SLC24A2: variants seen among roughly 807,000 people sequenced by gnomAD.
The protein encoded by SLC24A2 is solute carrier family 24 member 2, also known as sodium/potassium/calcium exchanger 2.
Under a neutral mutation model 62.0 loss-of-function variants are expected in SLC24A2, and 36 were observed. The ratio of observed to expected loss-of-function variants is 0.58; its 90% CI spans 0.44 to 0.77. The LOEUF is 0.77. SLC24A2 is among the 30% of genes least tolerant of loss of function. The probability of loss-of-function intolerance (pLI) is 0.00; values close to 1 mark genes in which losing one functional copy is unlikely to be tolerated. For missense variants in SLC24A2, 846 were observed against 817.9 expected, an observed-to-expected ratio of 1.03 and a Z score of -0.42; for synonymous variants, 358 against 294.0, an observed-to-expected ratio of 1.22 and a Z score of -2.23.
At chr9:20,069,182 A>G in the SLC24A2 span, among the ~76,000 whole-genome samples, 1 of 152,220 alleles carries the variant, frequency 6.6e-6, no homozygotes, top group Non-Finnish European at 1.5e-5. Context: ...CATTAAAATT[A>G]TGTAAATTCA....
At chr9:19,636,935 A>G (rs1587074331) in intron 2 of SLC24A2, among the ~76,000 whole-genome samples, 1 of 152,156 alleles carries the variant, frequency 6.6e-6, no homozygotes, top group East Asian at 1.9e-4. Context: ...CTTTCAAAAT[A>G]CCCTTTGGAA....
chr9:19,853,234 T>C, the SLC24A2 span, among the ~76,000 whole-genome samples: 1 of 152,204 alleles, frequency 6.6e-6, no homozygotes, highest in Non-Finnish European at 1.5e-5. Context: ...TTTCTAGATG[T>C]AGGTCATGTC....
At chr9:20,302,364 C>T in the SLC24A2 span, among the ~76,000 whole-genome samples, 1 of 152,226 alleles carries the variant, frequency 6.6e-6, no homozygotes, top group East Asian at 1.9e-4. Flanking sequence ...TCAATGAGAG[C>T]TCCTGTTGCT....
the SLC24A2 span, among the ~76,000 whole-genome samples, chr9:20,236,532 G>A: frequency 5.9e-5 from 9 of 152,222 alleles, no homozygotes; most frequent in East Asian, 9.7e-4. Flanking sequence ...ATTCTCTGTC[G>A]AAGGGATGTC....
At chr9:19,560,895 GTGTA>G (rs1265142891) in intron 7 of SLC24A2, among the ~76,000 whole-genome samples, 27 of 25,774 alleles carry the variant, frequency 1.0e-3, no homozygotes, top group African/African-American at 3.7e-3. Context: ...GTGTGTGTGT[GTGTA>G]TATATATATA....
chr9:19,914,810 G>A, the SLC24A2 span, among the ~76,000 whole-genome samples: 3 of 152,040 alleles, frequency 2.0e-5, no homozygotes, highest in Non-Finnish European at 2.9e-5. Flanking sequence ...ATCCTCCCCA[G>A]TGTCATGTGG....
the SLC24A2 span, among the ~76,000 whole-genome samples, chr9:20,064,793 A>AAGGCATACAATATGC: frequency 6.6e-6 from 1 of 152,218 alleles, no homozygotes; most frequent in Non-Finnish European, 1.5e-5. Context: ...AAGAGAATAA[A>AAGGCATACAATATGC]AGGCATACAA....
chr9:20,141,317 A>T, the SLC24A2 span, among the ~76,000 whole-genome samples: 3 of 151,052 alleles, frequency 2.0e-5, no homozygotes, highest in African/African-American at 4.9e-5. Context: ...ATTTCTCTCT[A>T]CTCTGTGTAG....
chr9:19,808,397 A>T, the SLC24A2 span, among the ~76,000 whole-genome samples: 1 of 152,226 alleles, frequency 6.6e-6, no homozygotes, highest in African/African-American at 2.4e-5. This position sits in a 1 kb window ranked among gnomAD's most constrained non-coding sequence, Gnocchi z 4.1. Context: ...ATTTGACTAT[A>T]GAATTCTTTG....
chr9:19,919,906 A>G, the SLC24A2 span, among the ~76,000 whole-genome samples: 1 of 152,168 alleles, frequency 6.6e-6, no homozygotes, highest in Non-Finnish European at 1.5e-5. Flanking sequence ...GGATTATGGG[A>G]ACTACAATTC....
chr9:19,663,390 A>C (rs1819158348), intron 2 of SLC24A2, among the ~76,000 whole-genome samples: 1 of 152,176 alleles, frequency 6.6e-6, no homozygotes, highest in Non-Finnish European at 1.5e-5. Flanking sequence ...GTCTCTATAC[A>C]GATCATGGGA....
the SLC24A2 span, among the ~76,000 whole-genome samples, chr9:20,026,821 C>T: frequency 1.3e-5 from 2 of 152,018 alleles, no homozygotes; most frequent in Non-Finnish European, 2.9e-5. Flanking sequence ...AAAAAACAGA[C>T]AAATGGGATT....
chr9:19,609,905 C>T (rs117438633), intron 4 of SLC24A2, among the ~76,000 whole-genome samples: 71 of 152,262 alleles, frequency 4.7e-4, no homozygotes, highest in Non-Finnish European at 8.8e-4. Context: ...ATAGAGTTCA[C>T]GCTCCTTTGA....
chr9:20,229,915 G>T, the SLC24A2 span, among the ~76,000 whole-genome samples: 1 of 141,262 alleles, frequency 7.1e-6, no homozygotes, highest in Non-Finnish European at 1.5e-5. Flanking sequence ...CCTGGTGTGT[G>T]ATGTTCCCCT....
chr9:19,833,517 C>T, the SLC24A2 span, among the ~76,000 whole-genome samples: 5,616 of 152,252 alleles, frequency 0.037, 384 homozygotes, highest in African/African-American at 0.13. Flanking sequence ...AAGGTGGCAG[C>T]GAGGCTGGGG....
the SLC24A2 span, among the ~76,000 whole-genome samples, chr9:20,037,412 T>C: frequency 6.6e-6 from 1 of 152,212 alleles, no homozygotes; most frequent in Admixed American, 6.5e-5. Context: ...GGGCTGACTG[T>C]ATATGACATT....
the SLC24A2 span, among the ~76,000 whole-genome samples, chr9:20,059,138 T>A: frequency 6.6e-6 from 1 of 152,206 alleles, no homozygotes; most frequent in Non-Finnish European, 1.5e-5. Flanking sequence ...AAAAAGGGAC[T>A]TTACAGATGT....
chr9:20,286,376 T>TA, the SLC24A2 span, among the ~76,000 whole-genome samples: 1 of 152,256 alleles, frequency 6.6e-6, no homozygotes, highest in Non-Finnish European at 1.5e-5. Flanking sequence ...GCTGTTTAGC[T>TA]ATCCTTCATG....
intron 9 of SLC24A2, 56 bp from the exon 10 acceptor site, chr9:19,521,116 A>AATCATAAAT (rs1294673224): frequency 6.4e-7 from 1 of 1,558,176 alleles, no homozygotes; most frequent in Non-Finnish European, 8.8e-7. Context: ...AAATCATAAA[A>AATCATAAAT]ATCACAAAAA....
Sources: gnomAD v4.1 joint callset for allele counts (sites outside exome capture counted in the v4.1 genomes callset) on GRCh38, gnomAD v4.1.1 for gene constraint, Gnocchi (gnomAD v3.1) non-coding constraint, MANE v1.5 for transcripts, NCBI Gene and HGNC (gene_info 2026-07-23, HGNC 2026-07-21) for gene names.